DIAPH3: variants seen among roughly 807,000 people sequenced by gnomAD.
DIAPH3 encodes diaphanous related formin 3.
DIAPH3 carries 117 observed loss-of-function variants against 144.3 expected under a neutral mutation model. That is an observed-to-expected ratio of 0.81 (90% CI 0.70 to 0.95). The LOEUF is 0.95. Ranked by LOEUF, DIAPH3 falls within the 40% of genes least tolerant of loss-of-function variation. DIAPH3 has a pLI of 0.00. For missense variants in DIAPH3, 1,421 were observed against 1,412.7 expected (o/e 1.01, Z -0.09); for synonymous variants, 519 against 488.9 (o/e 1.06, Z -0.81).
intron 18 of DIAPH3, among the ~76,000 whole-genome samples, chr13:59,918,798 G>A (rs1228634922): frequency 6.6e-6 from 1 of 151,962 alleles, no homozygotes; most frequent in Non-Finnish European, 1.5e-5. Context: ...TGACCACAAT[G>A]CAAAAAGACA....
At chr13:59,753,965 C>T (rs2037138944) in intron 27 of DIAPH3, among the ~76,000 whole-genome samples, 1 of 151,936 alleles carries the variant, frequency 6.6e-6, no homozygotes, top group African/African-American at 2.4e-5. Context: ...CTTCTAAAAC[C>T]CTCATCTAGG....
chr13:59,868,495 C>A (rs1289202623), intron 21 of DIAPH3, among the ~76,000 whole-genome samples: 2 of 152,108 alleles, frequency 1.3e-5, no homozygotes, highest in Non-Finnish European at 1.5e-5. Context: ...TACACACACA[C>A]AAATTATCCT....
At chr13:59,954,675 A>G (rs1003820394) in intron 17 of DIAPH3, among the ~76,000 whole-genome samples, 1 of 152,188 alleles carries the variant, frequency 6.6e-6, no homozygotes, top group African/African-American at 2.4e-5. Flanking sequence ...TAATTGACTC[A>G]TAGTTCCATA....
chr13:59,818,484 A>AT (rs556831683), intron 24 of DIAPH3, among the ~76,000 whole-genome samples: 5,987 of 147,802 alleles, frequency 0.041, 208 homozygotes, highest in South Asian at 0.11. Context: ...TCTGGCTGCA[A>AT]TTTTTTTTTT....
intron 2 of DIAPH3, among the ~76,000 whole-genome samples, chr13:60,122,845 G>GA (rs1392971796): frequency 2.6e-5 from 4 of 151,356 alleles, no homozygotes; most frequent in Admixed American, 2.6e-4. Context: ...ACATATCATT[G>GA]AAAAAAAATT....
At chr13:60,010,738 T>C (rs544082952) in intron 7 of DIAPH3, 69 bp from the exon 8 acceptor site, 1 of 1,493,016 alleles carries the variant, frequency 6.7e-7, no homozygotes, top group African/African-American at 1.4e-5. Context: ...CTGAAGGAAA[T>C]GTAGTTATTA....
intron 20 of DIAPH3, among the ~76,000 whole-genome samples, chr13:59,889,273 T>A (rs1399373191): frequency 6.6e-6 from 1 of 152,096 alleles, no homozygotes; most frequent in East Asian, 1.9e-4. Flanking sequence ...ATCTACCCAA[T>A]AATACCTGCT....
At chr13:59,997,255 A>T (rs1300378604) in intron 9 of DIAPH3, among the ~76,000 whole-genome samples, 18 of 151,930 alleles carry the variant, frequency 1.2e-4, no homozygotes, top group Admixed American at 1.2e-3. Context: ...TTCTACATCC[A>T]TGTGATCACA....
intron 20 of DIAPH3, among the ~76,000 whole-genome samples, chr13:59,894,188 A>T (rs1566479588): frequency 6.6e-6 from 1 of 152,016 alleles, no homozygotes; most frequent in African/African-American, 2.4e-5. Context: ...TTGTCTGAGG[A>T]TATCAGAAGG....
chr13:60,129,780 T>C (rs1356029580), intron 2 of DIAPH3, among the ~76,000 whole-genome samples: 3 of 152,312 alleles, frequency 2.0e-5, no homozygotes, highest in East Asian at 3.9e-4. Flanking sequence ...CAAAGCATCA[T>C]TGGCAAATGC....
At chr13:59,893,476 C>T (rs1287185869) in intron 20 of DIAPH3, among the ~76,000 whole-genome samples, 1 of 152,058 alleles carries the variant, frequency 6.6e-6, no homozygotes, top group Non-Finnish European at 1.5e-5. Context: ...GTCAGTTAGT[C>T]ACAGAGTAAA....
At chr13:59,942,226 CTGAA>C (rs1298257347) in intron 17 of DIAPH3, among the ~76,000 whole-genome samples, 2 of 152,118 alleles carry the variant, frequency 1.3e-5, no homozygotes, top group Non-Finnish European at 2.9e-5. Flanking sequence ...ATATTGCTTT[CTGAA>C]TGGAGTTTAT....
At chr13:59,818,211 C>T (rs1430435241) in intron 24 of DIAPH3, among the ~76,000 whole-genome samples, 1 of 151,690 alleles carries the variant, frequency 6.6e-6, no homozygotes, top group Non-Finnish European at 1.5e-5. Context: ...TACTATCTGG[C>T]TATTTAAGAA....
At chr13:60,091,573 C>A (rs2057934149) in intron 4 of DIAPH3, among the ~76,000 whole-genome samples, 1 of 151,976 alleles carries the variant, frequency 6.6e-6, no homozygotes, top group Non-Finnish European at 1.5e-5. Context: ...CATGCGTGAG[C>A]CACCACACCT....
intron 18 of DIAPH3, among the ~76,000 whole-genome samples, chr13:59,920,360 G>A (rs912877300): frequency 1.3e-5 from 2 of 151,718 alleles, no homozygotes. Flanking sequence ...AAAAAGATAT[G>A]CCATGCACAT....
At chr13:59,736,065 G>C (rs2036137696) in intron 27 of DIAPH3, among the ~76,000 whole-genome samples, 1 of 152,086 alleles carries the variant, frequency 6.6e-6, no homozygotes, top group South Asian at 2.1e-4. Flanking sequence ...TACTATGTTA[G>C]TTTGCTAAGG....
intron 18 of DIAPH3, among the ~76,000 whole-genome samples, chr13:59,920,830 C>A (rs142553106): frequency 0.016 from 2,488 of 151,880 alleles, 29 homozygotes; most frequent in Non-Finnish European, 0.022. Flanking sequence ...CAGGACAGAT[C>A]ATATGTTATG....
chr13:59,729,990 T>C (rs1272743354), intron 27 of DIAPH3, among the ~76,000 whole-genome samples: 1 of 151,886 alleles, frequency 6.6e-6, no homozygotes, highest in Non-Finnish European at 1.5e-5. Flanking sequence ...GATCACAGAA[T>C]TAAGTATAGG....
chr13:60,157,048 G>A (rs554784975), intron 1 of DIAPH3, among the ~76,000 whole-genome samples: 53 of 149,554 alleles, frequency 3.5e-4, no homozygotes, highest in South Asian at 3.4e-3. Flanking sequence ...AGATTCAAGC[G>A]ATTCTCCTGA....
Sources: allele counts gnomAD v4.1 joint callset (sites outside exome capture counted in the v4.1 genomes callset), GRCh38; gene constraint gnomAD v4.1.1; transcripts MANE v1.5; gene names NCBI Gene and HGNC (gene_info 2026-07-23, HGNC 2026-07-21).